The following NELL1 variants were observed in gnomAD, a reference collection of about 807,000 sequenced individuals.
NELL1 encodes neural EGFL like 1, also known as protein kinase C-binding protein NELL1.
NELL1 carries 76 observed loss-of-function variants against 107.4 expected under a neutral mutation model. The observed-to-expected ratio is 0.71, with a 90% confidence interval of 0.59 to 0.86. NELL1 has a LOEUF of 0.86. Among genes scored for constraint, NELL1 ranks in the 40% least tolerant of loss-of-function variants. The pLI is 0.00. For synonymous variants in NELL1, 353 were observed against 341.2 expected (o/e 1.03, Z -0.38); for missense variants, 1,024 against 1,005.5 (o/e 1.02, Z -0.25).
rs1857306626 is a variant in NELL1 at position 20,802,853 on chromosome 11, A to G, written c.335+19023A>G. On this transcript the variant is annotated intron_variant, in intron 3 of 19. Coordinates refer to ENST00000357134, the MANE Select transcript of NELL1 (RefSeq NM_006157.5). ...TATAATTTTTTCCTTCATTCTGTTG[A>G]TATGATGTATCACATTGGTTGATTT... Among the ~76,000 whole-genome samples the G allele has an allele frequency of 2.0e-5, 3 of 152,108 alleles. No homozygotes were observed. The South Asian group carries it at 6.2e-4, about 31-fold the overall frequency.
chr11:21,570,857 A>C lies in NELL1; in HGVS notation c.2074A>C (p.Ser692Arg), dbSNP rs1857084941. ...CCPECDTRVTSQCLDQNGHKL... is the reference protein window; with the variant it reads ...CCPECDTRVTRQCLDQNGHKL... Reference sequence around the variant, plus strand: ...CCCAGAATGTGACACCAGAGTCACAAGTCAATGTTTAGACCAAAATGGTCA... The same window carrying C: ...CCCAGAATGTGACACCAGAGTCACACGTCAATGTTTAGACCAAAATGGTCA... Residue 692 changes from serine (S) to arginine (R), a missense_variant, in exon 18 of 20, where the codon AGT becomes CGT. By Grantham distance (110) the Ser-to-Arg change is moderately radical (BLOSUM62 -1). Coordinates refer to ENST00000357134, the MANE Select transcript of NELL1 (RefSeq NM_006157.5). 2 of 1,611,912 alleles carry C rather than the reference A, an allele frequency of 1.2e-6. No individual in the cohort carries two copies. The highest frequency in any genetic ancestry group is 1.7e-6 in the Non-Finnish European group (2 of 1,178,684).
At chr11:21,161,000 TAC>T (rs72029062) in intron 13 of NELL1, among the ~76,000 whole-genome samples, 40,651 of 142,888 alleles carry the variant, frequency 0.28, 5,627 homozygotes, top group Non-Finnish European at 0.32. Flanking sequence ...CTAGCCTTTA[TAC>T]ACACACACAC....
chr11:21,215,994 G>C (rs528403548), intron 13 of NELL1, among the ~76,000 whole-genome samples: 1 of 152,214 alleles, frequency 6.6e-6, no homozygotes, highest in Non-Finnish European at 1.5e-5. Flanking sequence ...TCCTATCACA[G>C]AGCCAGAGGC....
At chr11:21,386,216 A>G (rs943771999) in intron 15 of NELL1, among the ~76,000 whole-genome samples, 4 of 148,354 alleles carry the variant, frequency 2.7e-5, no homozygotes, top group Non-Finnish European at 5.9e-5. Context: ...TACTAAATCT[A>G]TGTAGTAATT....
chr11:21,482,795 CCTTTT>C (rs1309172286), intron 15 of NELL1, among the ~76,000 whole-genome samples: 1 of 151,026 alleles, frequency 6.6e-6, no homozygotes, highest in Non-Finnish European at 1.5e-5. Context: ...CAGTGCCTTT[CCTTTT>C]GTTTGTTTGT....
chr11:20,970,257 A>C (rs1025615367), intron 12 of NELL1, among the ~76,000 whole-genome samples: 5 of 152,300 alleles, frequency 3.3e-5, no homozygotes, highest in African/African-American at 1.2e-4. Flanking sequence ...GGAATTATGC[A>C]GTATAAAGTC....
At chr11:20,920,284 A>G (rs1850349273) in intron 7 of NELL1, among the ~76,000 whole-genome samples, 1 of 152,100 alleles carries the variant, frequency 6.6e-6, no homozygotes, top group Non-Finnish European at 1.5e-5. Flanking sequence ...ACCTGCAGCT[A>G]AGACTGCTCC....
intron 4 of NELL1, among the ~76,000 whole-genome samples, chr11:20,873,149 A>G (rs1849236691): frequency 6.6e-6 from 1 of 152,164 alleles, no homozygotes; most frequent in Non-Finnish European, 1.5e-5. Flanking sequence ...AGTGTTTTGG[A>G]GGCAGCCAGC....
At chr11:21,499,890 A>C (rs1403000253) in intron 15 of NELL1, among the ~76,000 whole-genome samples, 4 of 152,100 alleles carry the variant, frequency 2.6e-5, no homozygotes, top group African/African-American at 9.7e-5. Flanking sequence ...ATAAGAGTAT[A>C]TGTCAACAAC....
At chr11:21,009,449 AC>A (rs1852400732) in intron 12 of NELL1, among the ~76,000 whole-genome samples, 2 of 152,078 alleles carry the variant, frequency 1.3e-5, no homozygotes, top group Admixed American at 1.3e-4. Flanking sequence ...TCCAAATTTG[AC>A]CCTGTAAGTT....
chr11:21,388,130 A>G (rs1372539218), intron 15 of NELL1, among the ~76,000 whole-genome samples: 1 of 150,706 alleles, frequency 6.6e-6, no homozygotes, highest in African/African-American at 2.4e-5. Flanking sequence ...CCTTCTACAG[A>G]GGTGTTCATT....
intron 13 of NELL1, among the ~76,000 whole-genome samples, chr11:21,144,217 C>T (rs976925437): frequency 6.6e-6 from 1 of 152,076 alleles, no homozygotes; most frequent in African/African-American, 2.4e-5. Context: ...CTGCAGGAAG[C>T]CTCAGGTGGG....
At chr11:21,508,868 C>A (rs1855364397) in intron 15 of NELL1, among the ~76,000 whole-genome samples, 1 of 151,930 alleles carries the variant, frequency 6.6e-6, no homozygotes, top group Admixed American at 6.6e-5. Context: ...TAAATAAAGG[C>A]TTAATCTATA....
chr11:21,435,918 T>G (rs73461270), intron 15 of NELL1, among the ~76,000 whole-genome samples: 4,451 of 152,240 alleles, frequency 0.029, 224 homozygotes, highest in African/African-American at 0.1. Context: ...AAAAATTGTG[T>G]TAATTCATTT....
rs10592573 is a variant in NELL1 at position 20,672,970 on chromosome 11, GCC to G, written c.55+3208_55+3209del. Among the ~76,000 whole-genome samples the G allele has an allele frequency of 2.1e-3, 213 of 100,676 alleles. 3 individuals carry two copies. Among genetic ancestry groups the G allele is most frequent in the African/African-American group, 3.8e-3 (93 of 24,432 alleles). 66.0% of individuals were successfully genotyped at this position (100,676 alleles called of 152,430 possible). ...GGGTTTAAGTGATTCTCCTGCCTCA[GCC>G]CCCCCCCCCCCCCCCGAGTAGCTGG... On this transcript the variant is annotated intron_variant, in intron 1 of 19. Coordinates refer to ENST00000357134, the MANE Select transcript of NELL1 (RefSeq NM_006157.5).
Position 21,479,269 on chromosome 11 carries a change from G to A in NELL1, c.1646-55105G>A, listed in dbSNP as rs184308347. Among the ~76,000 whole-genome samples, 118 of 152,178 alleles carry A rather than the reference G, an allele frequency of 7.8e-4. 2 individuals carry two copies. The highest frequency in any genetic ancestry group is 2.7e-3 in the African/African-American group (112 of 41,534). ...TTATTGTACACTATTCACAATAGCC[G>A]AGATTTGGAAGCAACCTAAATGTCC... On this transcript the variant is annotated intron_variant, in intron 15 of 19. Coordinates refer to ENST00000357134, the MANE Select transcript of NELL1 (RefSeq NM_006157.5).
rs189133102 is a variant in NELL1, at chr11:21,060,993, C to T, written c.1301-52596C>T. Among the ~76,000 whole-genome samples the T allele has an allele frequency of 2.9e-3, 436 of 152,332 alleles. 1 individual carries two copies. Among genetic ancestry groups the T allele is most frequent in the African/African-American group, 9.6e-3 (399 of 41,588 alleles). On this transcript the variant is annotated intron_variant, in intron 12 of 19. Transcript: ENST00000357134. ...CCCATGATCCGCCTGCCTCGGCATC[C>T]CAAAGTGCTGGGATTACAGGCGTGA...
chr11:20,993,001 C>T (rs1412089023), intron 12 of NELL1, among the ~76,000 whole-genome samples: 3 of 152,148 alleles, frequency 2.0e-5, no homozygotes, highest in Non-Finnish European at 4.4e-5. Context: ...TTTTGACCAC[C>T]TTCTAGAAGC....
chr11:21,162,422 T>C (rs753403322), intron 13 of NELL1, among the ~76,000 whole-genome samples: 2 of 152,194 alleles, frequency 1.3e-5, no homozygotes, highest in African/African-American at 4.8e-5. Flanking sequence ...GGAAATCTAC[T>C]GTATTAGTTA....
Sources: allele counts gnomAD v4.1 joint callset (sites outside exome capture counted in the v4.1 genomes callset), GRCh38; gene constraint gnomAD v4.1.1; transcripts MANE v1.5; gene names NCBI Gene and HGNC (gene_info 2026-07-23, HGNC 2026-07-21).